The following LRRTM4 variants were observed in gnomAD, a reference collection of about 807,000 sequenced individuals.
LRRTM4 encodes the protein leucine rich repeat transmembrane neuronal 4, also known as leucine-rich repeat transmembrane neuronal protein 4.
In LRRTM4, 25 loss-of-function variants were observed where a neutral mutation model predicts 47.6. The ratio of observed to expected loss-of-function variants is 0.53; its 90% CI spans 0.38 to 0.73. LRRTM4 has a LOEUF of 0.73. Among genes scored for constraint, LRRTM4 ranks in the 30% least tolerant of loss-of-function variants. The pLI is 0.00. For missense variants in LRRTM4, 638 were observed against 713.4 expected (o/e 0.89, Z 1.20); for synonymous variants, 311 against 269.5 (o/e 1.15, Z -1.51).
At chr2:77,476,998 A>ATG (rs1677425343) in intron 3 of LRRTM4, among the ~76,000 whole-genome samples, 1 of 78,478 alleles carries the variant, frequency 1.3e-5, no homozygotes, top group African/African-American at 4.0e-5. Flanking sequence ...GTGTGTGTGT[A>ATG]TGTGTGTACT....
intron 3 of LRRTM4, among the ~76,000 whole-genome samples, chr2:77,389,648 T>A (rs916396894): frequency 2.6e-5 from 4 of 152,120 alleles, no homozygotes; most frequent in Non-Finnish European, 5.9e-5. Context: ...TAGTTCCCTA[T>A]ATTAAAAATT....
intron 3 of LRRTM4, among the ~76,000 whole-genome samples, chr2:77,267,005 CA>C (rs1175945151): frequency 6.6e-6 from 1 of 152,040 alleles, no homozygotes; most frequent in East Asian, 1.9e-4. Flanking sequence ...ACCAAACAAA[CA>C]GAAACAAAAA....
intron 3 of LRRTM4, among the ~76,000 whole-genome samples, chr2:76,750,417 G>A (rs1005637137): frequency 1.3e-5 from 2 of 152,146 alleles, no homozygotes; most frequent in Non-Finnish European, 2.9e-5. Context: ...CTGTTTCTGT[G>A]ATACCACAGC....
intron 3 of LRRTM4, among the ~76,000 whole-genome samples, chr2:77,407,671 T>TAA (rs573073082): frequency 0.049 from 6,320 of 128,606 alleles, 154 homozygotes; most frequent in South Asian, 0.084. Context: ...TATATAATAA[T>TAA]TATATAATAT....
At position 77,207,347 on chromosome 2, in the gene LRRTM4, G is replaced by GTATATATATATATA. The variant is rs200933978; in HGVS notation, c.1551+310970_1551+310971insTATATATATATATA. Among the ~76,000 whole-genome samples, 419 of 83,296 alleles carry GTATATATATATATA rather than the reference G, an allele frequency of 5.0e-3. 7 individuals carry two copies. Among genetic ancestry groups the GTATATATATATATA allele is most frequent in the African/African-American group, 0.017 (390 of 23,096 alleles). The allele number at this position is 83,296 out of a possible 152,430, so 54.6% of individuals were successfully genotyped here. On this transcript the variant is annotated intron_variant, in intron 3 of 3. Transcript: ENST00000409884. ...TTATGTTTTTCCTAATTTCATATAT[G>GTATATATATATATA]TGTATATATATATATATATATATAT...
chr2:77,478,136 C>A (rs868760541), intron 3 of LRRTM4, among the ~76,000 whole-genome samples: 44 of 152,046 alleles, frequency 2.9e-4, no homozygotes, highest in African/African-American at 1.0e-3. Context: ...TTACTTGCTG[C>A]CTCTTTAGTA....
Position 77,026,525 on chromosome 2 carries a change from T to C in LRRTM4, c.1552-277609A>G, listed in dbSNP as rs562242400. On this transcript the variant is annotated intron_variant, in intron 3 of 3. Transcript: ENST00000409884. ...TATTAACATTTTAAATTGTATTGCATATTTACAACAAAAGTAATAGTAAGT... is the reference window on the plus strand; with the variant it reads ...TATTAACATTTTAAATTGTATTGCACATTTACAACAAAAGTAATAGTAAGT... 4.6e-5 allele frequency among the ~76,000 whole-genome samples: 7 copies of C among 152,262 alleles called. No homozygotes were observed. The South Asian group carries it at 1.2e-3, about 27-fold the overall frequency.
At chr2:77,251,196 C>T (rs1217641493) in intron 3 of LRRTM4, among the ~76,000 whole-genome samples, 1 of 33,812 alleles carries the variant, frequency 3.0e-5, no homozygotes, top group Non-Finnish European at 6.1e-5. Context: ...TATACACACA[C>T]ACACATATAT....
At chr2:76,813,164 C>CA (rs1204020406) in intron 3 of LRRTM4, among the ~76,000 whole-genome samples, 2 of 151,636 alleles carry the variant, frequency 1.3e-5, no homozygotes, top group Non-Finnish European at 2.9e-5. Context: ...AACTCTGTCT[C>CA]AAAAAAATAA....
chr2:76,837,650 A>T (rs537199724), intron 3 of LRRTM4, among the ~76,000 whole-genome samples: 7 of 152,138 alleles, frequency 4.6e-5, no homozygotes, highest in African/African-American at 1.7e-4. Context: ...TGTTTATTGC[A>T]GCACTATTCA....
At chr2:77,013,040 G>A (rs1384380703) in intron 3 of LRRTM4, among the ~76,000 whole-genome samples, 1 of 152,214 alleles carries the variant, frequency 6.6e-6, no homozygotes, top group Non-Finnish European at 1.5e-5. Flanking sequence ...ATGAGTGCAT[G>A]CATAATAGCA....
chr2:77,281,597 G>T (rs762354927), intron 3 of LRRTM4, among the ~76,000 whole-genome samples: 1 of 151,898 alleles, frequency 6.6e-6, no homozygotes, highest in South Asian at 2.1e-4. Flanking sequence ...AATCACATTT[G>T]TGCTTTGGTA....
intron 3 of LRRTM4, among the ~76,000 whole-genome samples, chr2:77,116,765 TCAAA>T (rs1671399318): frequency 6.6e-6 from 1 of 152,060 alleles, no homozygotes; most frequent in African/African-American, 2.4e-5. Context: ...CCCCATACAC[TCAAA>T]CAACCTCCCT....
rs1679544860 is a variant in LRRTM4, at chr2:77,522,262, T to A, written c.-301A>T. The A allele has an allele frequency of 1.7e-6, 1 of 597,752 alleles. No individual in the cohort carries two copies. The highest frequency in any genetic ancestry group is 2.9e-5 in the East Asian group (1 of 34,200). The allele number at this position is 597,752 out of a possible 1,614,324, so 37.0% of individuals were successfully genotyped here. A position where few individuals can be genotyped will look rare whatever the true frequency, so the allele number is the denominator to read the frequency against. On this transcript the variant is annotated 5_prime_UTR_variant, in exon 1 of 4. Coordinates refer to ENST00000409884, the MANE Select transcript of LRRTM4 (RefSeq NM_001134745.3). ...AGGTTTATCCATTTAGCTGGTCAGG[T>A]TTAAAGTGTTTTGTAGCTGTGCTGG... is the stretch of plus-strand genomic sequence containing the variant.
chr2:77,358,814 AC>A (rs1672069209), intron 3 of LRRTM4, among the ~76,000 whole-genome samples: 1 of 152,180 alleles, frequency 6.6e-6, no homozygotes. Flanking sequence ...CTAGTGATGT[AC>A]AAATATTTAG....
At chr2:77,475,421 C>A (rs1677349113) in intron 3 of LRRTM4, among the ~76,000 whole-genome samples, 1 of 151,940 alleles carries the variant, frequency 6.6e-6, no homozygotes, top group Non-Finnish European at 1.5e-5. Flanking sequence ...ACTATCATAA[C>A]AAAGCATGGC....
Position 77,205,245 on chromosome 2 carries a change from T to A in LRRTM4, c.1551+313073A>T, listed in dbSNP as rs530679218. On this transcript the variant is annotated intron_variant, in intron 3 of 3. Transcript: ENST00000409884. Reference sequence around the variant, plus strand: ...TGTTTTTAGTTTTGTTTTGTTTTCATGGAGATTATAGTCAAGGGAGAAAGA... The same window carrying A: ...TGTTTTTAGTTTTGTTTTGTTTTCAAGGAGATTATAGTCAAGGGAGAAAGA... Among the ~76,000 whole-genome samples the A allele has an allele frequency of 6.8e-3, 1,040 of 152,222 alleles. 5 individuals are homozygous for A. Among genetic ancestry groups the A allele is most frequent in the Non-Finnish European group, 9.4e-3 (639 of 68,004 alleles).
At chr2:76,885,461 G>A (rs6740369) in intron 3 of LRRTM4, among the ~76,000 whole-genome samples, 54,688 of 145,806 alleles carry the variant, frequency 0.38, 11,320 homozygotes, top group East Asian at 0.72. Flanking sequence ...ACAAAAACAT[G>A]CTTTTTTTTT....
intron 3 of LRRTM4, among the ~76,000 whole-genome samples, chr2:77,499,349 G>A (rs13027825): frequency 0.32 from 49,100 of 151,704 alleles, 8,123 homozygotes; most frequent in Middle Eastern, 0.35. Flanking sequence ...ATGTGTCAAT[G>A]GGAAGAAGAA....
Sources: allele counts gnomAD v4.1 joint callset (sites outside exome capture counted in the v4.1 genomes callset), GRCh38; gene constraint gnomAD v4.1.1; transcripts MANE v1.5; gene names NCBI Gene and HGNC (gene_info 2026-07-23, HGNC 2026-07-21).